ABI3BP: variants seen among roughly 807,000 people sequenced by gnomAD.
The protein encoded by ABI3BP is ABI family member 3 binding protein, also known as target of Nesh-SH3.
Under a neutral mutation model 268.6 loss-of-function variants are expected in ABI3BP, and 216 were observed. That is an observed-to-expected ratio of 0.80 (90% CI 0.72 to 0.90). ABI3BP has a LOEUF of 0.90. ABI3BP is among the 40% of genes least tolerant of loss of function. The pLI, the probability that ABI3BP is intolerant of heterozygous loss-of-function variation, is 0.00. For synonymous variants in ABI3BP, 730 were observed against 730.0 expected (o/e 1.00, Z 0.00); for missense variants, 2,090 against 2,182.4 (o/e 0.96, Z 0.84).
Position 100,816,781 on chromosome 3 carries a change from AC to A in ABI3BP, c.3149-14del. ...TGTGTTTTAGGAGCTGAAGGAAGAA[AC>A]TTTGGATTACTCTAGTGCAGGTGGC... On this transcript the variant is annotated splice_polypyrimidine_tract_variant and intron_variant, in intron 42 of 67. Transcript: ENST00000471714. The A allele has an allele frequency of 6.5e-7, 1 of 1,534,870 alleles. No individual in the cohort carries two copies. The highest frequency in any genetic ancestry group is 8.7e-7 in the Non-Finnish European group (1 of 1,145,870).
chr3:100,891,952 T>C (rs1471639629), intron 4 of ABI3BP, among the ~76,000 whole-genome samples: 1 of 152,210 alleles, frequency 6.6e-6, no homozygotes, highest in African/African-American at 2.4e-5. Flanking sequence ...TGTGGCACTA[T>C]CCAGCCTGAA....
chr3:100,927,345 T>C (rs906625861), intron 1 of ABI3BP, among the ~76,000 whole-genome samples: 1 of 152,212 alleles, frequency 6.6e-6, no homozygotes, highest in African/African-American at 2.4e-5. Flanking sequence ...CTTCTGTGAC[T>C]CTGGCATCCC....
At chr3:100,843,624 TGAGA>T in intron 20 of ABI3BP, 2 of 983,054 alleles carry the variant, frequency 2.0e-6, no homozygotes, top group Non-Finnish European at 2.4e-6. Context: ...AGTATGCATG[TGAGA>T]GAGAGTGTGT....
Position 100,816,775 on chromosome 3 carries a change from GAAGA to G in ABI3BP, c.3149-11_3149-8del, listed in dbSNP as rs2098062730. The G allele has an allele frequency of 6.5e-7, 1 of 1,535,594 alleles. No homozygotes were observed. Among genetic ancestry groups the G allele is most frequent in the East Asian group, 2.4e-5 (1 of 40,922 alleles). Reference sequence around the variant, plus strand: ...GTCCGTTGTGTTTTAGGAGCTGAAGGAAGAAACTTTGGATTACTCTAGTGCAGGT... The same window carrying G: ...GTCCGTTGTGTTTTAGGAGCTGAAGGAACTTTGGATTACTCTAGTGCAGGT... On this transcript the variant is annotated splice_polypyrimidine_tract_variant and splice_region_variant and intron_variant, in intron 42 of 67. Transcript: ENST00000471714.
intron 59 of ABI3BP, among the ~76,000 whole-genome samples, chr3:100,776,565 C>G (rs1319090583): frequency 6.6e-6 from 1 of 152,106 alleles, no homozygotes; most frequent in Admixed American, 6.5e-5. Context: ...GTGAGAGAGC[C>G]TCAGAGGACT....
At chr3:100,905,355 T>C (rs1185662611) in intron 2 of ABI3BP, among the ~76,000 whole-genome samples, 1 of 152,168 alleles carries the variant, frequency 6.6e-6, no homozygotes, top group Non-Finnish European at 1.5e-5. Flanking sequence ...TGCACATGTA[T>C]ACATATGTAA....
At chr3:100,806,493 G>A (rs1489284179) in intron 50 of ABI3BP, among the ~76,000 whole-genome samples, 2 of 152,050 alleles carry the variant, frequency 1.3e-5, no homozygotes, top group Non-Finnish European at 2.9e-5. Context: ...GATATTGCTG[G>A]AAACTATTAC....
At chr3:100,781,756 C>T (rs1383411305) in intron 57 of ABI3BP, among the ~76,000 whole-genome samples, 1 of 152,144 alleles carries the variant, frequency 6.6e-6, no homozygotes, top group Non-Finnish European at 1.5e-5. Context: ...TCCAAATCTT[C>T]CTGCCCTTGA....
chr3:100,826,119 C>T (rs984648737), intron 34 of ABI3BP, among the ~76,000 whole-genome samples: 5 of 151,710 alleles, frequency 3.3e-5, no homozygotes, highest in East Asian at 1.9e-4. Context: ...CTGATGGACT[C>T]ATATGAAAGA....
intron 57 of ABI3BP, 131 bp downstream of exon 57, chr3:100,787,597 G>A: frequency 1.4e-6 from 1 of 697,390 alleles, no homozygotes; most frequent in East Asian, 3.0e-5. Context: ...ATAATTTTCA[G>A]TTACAGAGTT....
rs2096668372 is a variant in ABI3BP at position 100,775,319 on chromosome 3, G to A, written c.4350C>T (p.Gly1450=). Residue 1450 remains glycine, a synonymous_variant, in exon 60 of 68, where the codon GGC becomes GGT. Transcript: ENST00000471714. The part of the protein sequence containing the change: ...KPGSAGIISS[G]PITTPPLRST... ...ACCTCAGGGGTGGTGTAGTTATTGG[G>A]CCTGATGAAATGATTCCTGTAAAGT... The A allele has an allele frequency of 6.2e-7, 1 of 1,605,946 alleles. No homozygotes were observed. Among genetic ancestry groups the A allele is most frequent in the African/African-American group, 1.3e-5 (1 of 74,796 alleles).
intron 1 of ABI3BP, among the ~76,000 whole-genome samples, chr3:100,946,368 CAAA>C (rs397990638): frequency 3.6e-5 from 3 of 82,564 alleles, no homozygotes. Flanking sequence ...GACTCTATCT[CAAA>C]AAAAAAAAAA....
At chr3:100,822,524 A>G (rs533656346) in intron 38 of ABI3BP, 65 bp downstream of exon 38, 1 of 1,430,348 alleles carries the variant, frequency 7.0e-7, no homozygotes, top group Non-Finnish European at 9.5e-7. Context: ...AACCACTGGG[A>G]TTACTCTTGA....
In ABI3BP at chr3:100,967,115, T is replaced by C. The variant is rs147666776; in HGVS notation, c.79+26191A>G. On this transcript the variant is annotated intron_variant, in intron 1 of 67. Coordinates refer to ENST00000471714, the MANE Select transcript of ABI3BP (RefSeq NM_001375547.2). ...GTATACCCTCTGGGGTTTTGGTCTC[T>C]GAATTCTGACTAATAAAGGTAAATC... is the stretch of plus-strand genomic sequence containing the variant. Among the ~76,000 whole-genome samples the C allele has an allele frequency of 2.7e-3, 406 of 152,322 alleles. 1 individual carries two copies. The highest frequency in any genetic ancestry group is 9.3e-3 in the African/African-American group (386 of 41,578).
intron 1 of ABI3BP, among the ~76,000 whole-genome samples, chr3:100,940,612 C>A (rs1181914311): frequency 6.7e-6 from 1 of 150,370 alleles, no homozygotes; most frequent in African/African-American, 2.4e-5. Flanking sequence ...GCCACCCCAC[C>A]CATCCTGCCC....
chr3:100,778,232 G>A, intron 59 of ABI3BP, 52 bp downstream of exon 59: 3 of 1,555,368 alleles, frequency 1.9e-6, no homozygotes, highest in Non-Finnish European at 2.7e-6. Context: ...GCTTATGTTG[G>A]CTAGTAAAAC....
chr3:100,926,623 A>C, intron 1 of ABI3BP, 142 bp from the exon 2 acceptor site: 2 of 709,040 alleles, frequency 2.8e-6, no homozygotes, highest in Non-Finnish European at 4.8e-6. Context: ...TACAGCACAC[A>C]CCCAAACGCC....
intron 1 of ABI3BP, among the ~76,000 whole-genome samples, chr3:100,931,631 T>C (rs1365701148): frequency 6.6e-6 from 1 of 151,778 alleles, no homozygotes; most frequent in Non-Finnish European, 1.5e-5. Flanking sequence ...AAAAACTACT[T>C]AGGAATACAG....
chr3:100,908,889 C>T (rs566207856), intron 2 of ABI3BP, among the ~76,000 whole-genome samples: 18 of 152,164 alleles, frequency 1.2e-4, no homozygotes, highest in South Asian at 2.1e-4. Flanking sequence ...ACTTTCTTCA[C>T]GGAATTGGAA....
Sources: allele counts gnomAD v4.1 joint callset (sites outside exome capture counted in the v4.1 genomes callset), GRCh38; gene constraint gnomAD v4.1.1; transcripts MANE v1.5; gene names NCBI Gene and HGNC (gene_info 2026-07-23, HGNC 2026-07-21).